MINDY2: variants seen among roughly 807,000 people sequenced by gnomAD.
The protein encoded by MINDY2 is MINDY lysine 48 deubiquitinase 2.
Under a neutral mutation model 68.2 loss-of-function variants are expected in MINDY2, and 52 were observed. That is an observed-to-expected ratio of 0.76 (90% CI 0.61 to 0.96). The LOEUF (loss-of-function observed/expected upper bound fraction) is 0.96. MINDY2 is among the 40% of genes least tolerant of loss of function. The pLI is 0.00. For synonymous variants in MINDY2, 372 were observed against 303.0 expected, an observed-to-expected ratio of 1.23 and a Z score of -2.36; for missense variants, 881 against 773.4, an observed-to-expected ratio of 1.14 and a Z score of -1.65.
intron 7 of MINDY2, among the ~76,000 whole-genome samples, chr15:58,847,913 G>A (rs2032616878): frequency 6.6e-6 from 1 of 152,104 alleles, no homozygotes; most frequent in African/African-American, 2.4e-5. Context: ...ATTTTGACTA[G>A]TTAGAAAAAG....
At chr15:58,811,277 A>G (rs2030224863) in intron 4 of MINDY2, among the ~76,000 whole-genome samples, 1 of 152,226 alleles carries the variant, frequency 6.6e-6, no homozygotes, top group Admixed American at 6.5e-5. Flanking sequence ...CCATATATCC[A>G]TCACTCTAAC....
intron 3 of MINDY2, among the ~76,000 whole-genome samples, chr15:58,808,153 G>T (rs1206466862): frequency 6.6e-6 from 1 of 151,982 alleles, no homozygotes; most frequent in Non-Finnish European, 1.5e-5. Flanking sequence ...CATACACACA[G>T]CTTCCCCCAC....
chr15:58,798,052 C>T (rs923861560), intron 2 of MINDY2, among the ~76,000 whole-genome samples: 2 of 152,282 alleles, frequency 1.3e-5, no homozygotes, highest in South Asian at 2.1e-4. Context: ...CCCTCTTACA[C>T]CTCTACAATC....
chr15:58,787,519 G>T (rs999906535), intron 1 of MINDY2, among the ~76,000 whole-genome samples: 3 of 151,898 alleles, frequency 2.0e-5, no homozygotes, highest in African/African-American at 4.8e-5. Flanking sequence ...AGGTGGATCA[G>T]AAGGTTAGGA....
At position 58,771,818 on chromosome 15, in the gene MINDY2, A is replaced by G. The variant is rs778074754; in HGVS notation, c.423A>G (p.Ala141=). 45 of 1,609,364 alleles carry G rather than the reference A, an allele frequency of 2.8e-5. No individual in the cohort carries two copies. In the East Asian group the frequency reaches 6.7e-4, roughly 24 times the overall value. The change falls in exon 1 of 9, where the codon GCA becomes GCG. Residue 141 remains alanine (A), a synonymous_variant. Transcript: ENST00000559228. ...ARPDLAGTCQ[A]ELTAAGSEEP... ...CGGATCTCGCCGGCACCTGCCAAGC[A>G]GAACTGACCGCCGCCGGCTCCGAAG...
intron 5 of MINDY2, among the ~76,000 whole-genome samples, chr15:58,829,747 G>A (rs2031612707): frequency 6.6e-6 from 1 of 152,212 alleles, no homozygotes; most frequent in Non-Finnish European, 1.5e-5. Context: ...TCTTTTGGCT[G>A]TAGACCTCTT....
intron 3 of MINDY2, among the ~76,000 whole-genome samples, chr15:58,806,802 A>C (rs1903041864): frequency 6.6e-6 from 1 of 152,198 alleles, no homozygotes; most frequent in Admixed American, 6.5e-5. Flanking sequence ...GATTTAAGAA[A>C]AGTTCTAAAA....
At position 58,792,596 on chromosome 15, in the gene MINDY2, A is replaced by T. The variant is rs546931412; in HGVS notation, c.898+4633A>T. Among the ~76,000 whole-genome samples the T allele has an allele frequency of 7.9e-5, 12 of 152,174 alleles. No individual in the cohort carries two copies. In the East Asian group the frequency reaches 1.7e-3, roughly 22 times the overall value. On this transcript the variant is annotated intron_variant, in intron 2 of 8. Transcript: ENST00000559228. ...ACTCCAGCCTGGGCGACAGAGCAAG[A>T]CTCTGTCTCAGGGGGAAAAAAAGAA... is the stretch of plus-strand genomic sequence containing the variant.
At chr15:58,810,103 A>G in intron 3 of MINDY2, 127 bp from the exon 4 acceptor site, 1 of 885,186 alleles carries the variant, frequency 1.1e-6, no homozygotes, top group Non-Finnish European at 1.7e-6. Context: ...CTCAATAATA[A>G]AAATATGTTG....
At chr15:58,825,635 G>T (rs1024104927) in intron 5 of MINDY2, among the ~76,000 whole-genome samples, 2 of 152,166 alleles carry the variant, frequency 1.3e-5, no homozygotes, top group African/African-American at 4.8e-5. Context: ...GTCTTGCTCA[G>T]CTGCCCAGGC....
chr15:58,835,164 C>T (rs1232502593), intron 6 of MINDY2, among the ~76,000 whole-genome samples: 1 of 152,074 alleles, frequency 6.6e-6, no homozygotes, highest in Non-Finnish European at 1.5e-5. Flanking sequence ...TTAAGGACCT[C>T]GTAGTTTGAC....
chr15:58,849,702 G>C (rs1322028278), intron 7 of MINDY2, among the ~76,000 whole-genome samples: 2 of 152,144 alleles, frequency 1.3e-5, no homozygotes, highest in Non-Finnish European at 2.9e-5. Flanking sequence ...ATATCCATGA[G>C]ATAGTCATGC....
At chr15:58,819,350 A>T (rs1196631256) in intron 4 of MINDY2, among the ~76,000 whole-genome samples, 4 of 152,036 alleles carry the variant, frequency 2.6e-5, no homozygotes, top group Non-Finnish European at 5.9e-5. Context: ...CAGGAGGCTG[A>T]GGTGGAAGGA....
rs770462079 is a variant in MINDY2, at chr15:58,856,579, C to G, written c.*1969C>G. The G allele has an allele frequency of 2.0e-5, 3 of 152,152 alleles. No homozygotes were observed. The highest frequency in any genetic ancestry group is 4.4e-5 in the Non-Finnish European group (3 of 68,030). The allele number at this position is 152,152 out of a possible 1,614,324, so 9.4% of individuals were successfully genotyped here. A position where few individuals can be genotyped will look rare whatever the true frequency, so the allele number is the denominator to read the frequency against. ...CTGATAGAAAATATTTAATGAGTAT[C>G]TTGATTATAACCTAGAATATGTATA... On this transcript the variant is annotated 3_prime_UTR_variant, in exon 9 of 9. Coordinates refer to ENST00000559228, the MANE Select transcript of MINDY2 (RefSeq NM_001040450.3).
At chr15:58,776,869 TTATAA>T (rs1567035742) in intron 1 of MINDY2, among the ~76,000 whole-genome samples, 1 of 151,434 alleles carries the variant, frequency 6.6e-6, no homozygotes, top group African/African-American at 2.4e-5. Context: ...TAAAAAAAAA[TTATAA>T]TAAGGAAAAA....
intron 5 of MINDY2, among the ~76,000 whole-genome samples, chr15:58,824,830 C>T (rs934373049): frequency 5.9e-5 from 9 of 151,904 alleles, no homozygotes; most frequent in Non-Finnish European, 5.9e-5. Context: ...CCACCATGCC[C>T]GACTAATTTT....
chr15:58,810,395 C>A lies in MINDY2; in HGVS notation c.1122+7C>A. 4 of 1,536,262 alleles carry A rather than the reference C, an allele frequency of 2.6e-6. No homozygotes were observed. Among genetic ancestry groups the A allele is most frequent in the Non-Finnish European group, 3.5e-6 (4 of 1,141,420 alleles). On this transcript the variant is annotated splice_region_variant and intron_variant, in intron 4 of 8. Transcript: ENST00000559228. ...GTGGTTAGTAGACCCTCAGGTAAGT[C>A]GAAGAATTTAAATTATGTAAACACA... is the stretch of plus-strand genomic sequence containing the variant.
At chr15:58,827,530 C>T (rs1274501928) in intron 5 of MINDY2, among the ~76,000 whole-genome samples, 1 of 152,140 alleles carries the variant, frequency 6.6e-6, no homozygotes, top group Non-Finnish European at 1.5e-5. Flanking sequence ...GTGGCGCGAT[C>T]TCGGCTCACT....
chr15:58,790,280 C>G (rs1029981873), intron 2 of MINDY2, among the ~76,000 whole-genome samples: 1 of 151,956 alleles, frequency 6.6e-6, no homozygotes, highest in Non-Finnish European at 1.5e-5. Context: ...TGGGACTCTA[C>G]TTGATAAATG....
Sources: allele counts gnomAD v4.1 joint callset (sites outside exome capture counted in the v4.1 genomes callset), GRCh38; gene constraint gnomAD v4.1.1; transcripts MANE v1.5; gene names NCBI Gene and HGNC (gene_info 2026-07-23, HGNC 2026-07-21).